The following SLCO1B3 variants were observed in gnomAD, a reference collection of about 807,000 sequenced individuals.
The protein encoded by SLCO1B3 is liver-specific organic anion transporter 2.
A neutral mutation model predicts 71.8 loss-of-function variants in SLCO1B3; 72 were observed. That is an observed-to-expected ratio of 1.00 (90% CI 0.83 to 1.22). The LOEUF (loss-of-function observed/expected upper bound fraction) is 1.22. SLCO1B3 is among the 50% of genes most tolerant of loss of function. SLCO1B3 has a pLI of 0.00. For missense variants in SLCO1B3, 911 were observed against 819.7 expected, an observed-to-expected ratio of 1.11 and a Z score of -1.36; for synonymous variants, 298 against 278.4, an observed-to-expected ratio of 1.07 and a Z score of -0.70.
At position 20,817,853 on chromosome 12, in the gene SLCO1B3, G is replaced by A. The variant is rs138535089; in HGVS notation, c.84+2031G>A. 7.6e-3 allele frequency among the ~76,000 whole-genome samples: 1,158 copies of A among 152,196 alleles called. 5 individuals are homozygous for A. Among genetic ancestry groups the A allele is most frequent in the Non-Finnish European group, 0.013 (889 of 68,016 alleles). On this transcript the variant is annotated intron_variant, in intron 3 of 15. Transcript: ENST00000381545. ...GATCCGCCTGCCTCGGCCTCCGAAAGTGCTGGGATTACAGCTTGAGCCACC... is the reference window on the plus strand; with the variant it reads ...GATCCGCCTGCCTCGGCCTCCGAAAATGCTGGGATTACAGCTTGAGCCACC...
At chr12:20,869,228 A>T (rs947203205) in intron 8 of SLCO1B3, among the ~76,000 whole-genome samples, 1 of 152,134 alleles carries the variant, frequency 6.6e-6, no homozygotes, top group Non-Finnish European at 1.5e-5. Flanking sequence ...CCGCCTGGCA[A>T]TGGGCGTCTT....
intron 3 of SLCO1B3, among the ~76,000 whole-genome samples, chr12:20,851,947 G>T (rs1275087422): frequency 6.6e-6 from 1 of 152,100 alleles, no homozygotes; most frequent in African/African-American, 2.4e-5. Flanking sequence ...TGGCACCCTT[G>T]TTGAAAATCA....
chr12:20,907,657 C>T (rs572621500), intron 15 of SLCO1B3, among the ~76,000 whole-genome samples: 3 of 151,454 alleles, frequency 2.0e-5, no homozygotes, highest in African/African-American at 7.3e-5. Flanking sequence ...TACAGGCGCC[C>T]GCCATTACGG....
At chr12:20,843,967 G>GT (rs1864854692) in intron 3 of SLCO1B3, among the ~76,000 whole-genome samples, 2 of 151,762 alleles carry the variant, frequency 1.3e-5, no homozygotes, top group South Asian at 4.2e-4. Flanking sequence ...TCAATCTGAG[G>GT]TTTTCACATT....
At chr12:20,874,495 A>G (rs2121290213) in intron 8 of SLCO1B3, among the ~76,000 whole-genome samples, 2 of 152,284 alleles carry the variant, frequency 1.3e-5, no homozygotes, top group East Asian at 1.9e-4. Context: ...TTATTCTGGT[A>G]TCTTGCTGAT....
Position 20,901,410 on chromosome 12 carries a change from C to T in SLCO1B3, c.1808C>T (p.Ser603Phe). 6.3e-7 allele frequency: 1 copy of T among 1,585,472 alleles called. No individual in the cohort carries two copies. Among genetic ancestry groups the T allele is most frequent in the African/African-American group, 1.4e-5 (1 of 73,630 alleles). The change falls in exon 15 of 16, where the codon TCC becomes TTC. Residue 603 changes from serine to phenylalanine, a missense_variant. Ser to Phe is a radical substitution (Grantham distance 155, BLOSUM62 -2). Coordinates refer to ENST00000381545, the MANE Select transcript of SLCO1B3 (RefSeq NM_019844.4). ...ALIDKTCMKWSTNSCGAQGAC... is the reference protein window; with the variant it reads ...ALIDKTCMKWFTNSCGAQGAC... ...ATTGATAAAACATGTATGAAGTGGT[C>T]CACCAACAGCTGTGGAGCACAAGGG...
chr12:20,834,123 AATAC>A (rs1030491618), intron 3 of SLCO1B3, among the ~76,000 whole-genome samples: 44 of 143,660 alleles, frequency 3.1e-4, no homozygotes, highest in East Asian at 6.3e-4. Flanking sequence ...ACATAGATAT[AATAC>A]ATACATACAC....
intron 13 of SLCO1B3, among the ~76,000 whole-genome samples, chr12:20,895,769 G>T (rs1236253997): frequency 1.3e-5 from 2 of 152,202 alleles, no homozygotes; most frequent in Non-Finnish European, 2.9e-5. Flanking sequence ...GGGACTCTGT[G>T]TGATGGCTTT....
chr12:20,869,775 A>G (rs939496339), intron 8 of SLCO1B3, among the ~76,000 whole-genome samples: 6 of 152,184 alleles, frequency 3.9e-5, no homozygotes, highest in Admixed American at 3.9e-4. Flanking sequence ...GACTGCTGTG[A>G]AGAGTGCTGC....
At chr12:20,877,327 A>G (rs1477454083) in intron 9 of SLCO1B3, among the ~76,000 whole-genome samples, 4 of 152,280 alleles carry the variant, frequency 2.6e-5, no homozygotes, top group South Asian at 4.1e-4. Context: ...AATACTAAGT[A>G]CCTATAGTCA....
intron 8 of SLCO1B3, among the ~76,000 whole-genome samples, chr12:20,874,290 TGTATG>T (rs1234009946): frequency 1.3e-5 from 2 of 152,190 alleles, no homozygotes; most frequent in Admixed American, 6.5e-5. Flanking sequence ...TTTTCCCAAT[TGTATG>T]GTATAATACT....
At chr12:20,828,317 A>T (rs1373770821) in intron 3 of SLCO1B3, among the ~76,000 whole-genome samples, 1 of 151,278 alleles carries the variant, frequency 6.6e-6, no homozygotes, top group African/African-American at 2.4e-5. Context: ...AAAAAAAAAA[A>T]AAGGTAACAC....
chr12:20,876,472 A>G (rs917486109), intron 9 of SLCO1B3, among the ~76,000 whole-genome samples: 1 of 152,166 alleles, frequency 6.6e-6, no homozygotes, highest in African/African-American at 2.4e-5. Flanking sequence ...TTCTCTCATC[A>G]GTTCCTTCAC....
At chr12:20,824,008 C>G (rs1260499517) in intron 3 of SLCO1B3, among the ~76,000 whole-genome samples, 3 of 152,072 alleles carry the variant, frequency 2.0e-5, no homozygotes, top group Non-Finnish European at 2.9e-5. Context: ...AAAATATATT[C>G]TTATTAAACT....
chr12:20,867,845 G>A (rs913420304), intron 8 of SLCO1B3, among the ~76,000 whole-genome samples: 3 of 152,026 alleles, frequency 2.0e-5, no homozygotes, highest in Non-Finnish European at 2.9e-5. Flanking sequence ...AAATTATGAT[G>A]TGTTTCTGTA....
intron 8 of SLCO1B3, 23 bp downstream of exon 8, chr12:20,862,877 A>G (rs765004967): frequency 7.6e-7 from 1 of 1,312,756 alleles, no homozygotes; most frequent in Non-Finnish European, 1.1e-6. Flanking sequence ...AGAACAAGGT[A>G]CCATGATAGT....
chr12:20,901,876 G>T, intron 15 of SLCO1B3: 1 of 435,602 alleles, frequency 2.3e-6, no homozygotes, highest in South Asian at 1.6e-5. Context: ...GAAAAACAAA[G>T]TTTCATTACT....
At chr12:20,914,629 T>C (rs1010054178) in intron 15 of SLCO1B3, among the ~76,000 whole-genome samples, 1 of 152,160 alleles carries the variant, frequency 6.6e-6, no homozygotes, top group Non-Finnish European at 1.5e-5. Context: ...TTTATGTATA[T>C]CCGAGTTTAT....
chr12:20,877,511 C>T (rs770876323), intron 9 of SLCO1B3, among the ~76,000 whole-genome samples: 1 of 151,928 alleles, frequency 6.6e-6, no homozygotes, highest in Non-Finnish European at 1.5e-5. Flanking sequence ...TTTATTGATC[C>T]ATTTTTTAAT....
Sources: gnomAD v4.1 joint callset for allele counts (sites outside exome capture counted in the v4.1 genomes callset) on GRCh38, gnomAD v4.1.1 for gene constraint, MANE v1.5 for transcripts, NCBI Gene and HGNC (gene_info 2026-07-23, HGNC 2026-07-21) for gene names.